Variants in CPNE4 observed in about 807,000 individuals in gnomAD.
CPNE4 encodes copine-4.
A neutral mutation model predicts 67.9 loss-of-function variants in CPNE4; 25 were observed. The observed-to-expected ratio is 0.37, with a 90% CI of 0.27 to 0.51. CPNE4 has a LOEUF of 0.51. Among genes scored for constraint, CPNE4 ranks in the 20% least tolerant of loss-of-function variants. CPNE4 has a pLI of 0.93. For missense variants in CPNE4, 464 were observed against 690.8 expected, an observed-to-expected ratio of 0.67 and a Z score of 3.68; for synonymous variants, 242 against 244.9, an observed-to-expected ratio of 0.99 and a Z score of 0.11.
intron 1 of CPNE4, among the ~76,000 whole-genome samples, chr3:131,940,836 A>C (rs1179499638): frequency 2.0e-5 from 3 of 152,056 alleles, no homozygotes; most frequent in Non-Finnish European, 4.4e-5. Context: ...CTATATATTC[A>C]AGCTGACCCT....
At chr3:131,923,442 C>T (rs191882935) in intron 1 of CPNE4, among the ~76,000 whole-genome samples, 25 of 152,224 alleles carry the variant, frequency 1.6e-4, no homozygotes, top group Admixed American at 1.3e-4. Flanking sequence ...CAGTGGCTCA[C>T]GCCTGTATTT....
Position 131,909,585 on chromosome 3 carries a change from T to C in CPNE4, c.-1-4141A>G, listed in dbSNP as rs536999849. 1.6e-3 allele frequency among the ~76,000 whole-genome samples: 248 copies of C among 152,240 alleles called. 1 individual carries two copies. The highest frequency in any genetic ancestry group is 5.7e-3 in the African/African-American group (238 of 41,552). On this transcript the variant is annotated intron_variant, in intron 1 of 15. Transcript: ENST00000429747. ...AATGGATTACTGCAAAGAAATCTTATTGAATGTAAAAAAAAATAATGTAGG... is the reference window on the plus strand; with the variant it reads ...AATGGATTACTGCAAAGAAATCTTACTGAATGTAAAAAAAAATAATGTAGG...
chr3:131,701,870 T>A (rs966645427), intron 3 of CPNE4, among the ~76,000 whole-genome samples: 1 of 152,250 alleles, frequency 6.6e-6, no homozygotes, highest in Non-Finnish European at 1.5e-5. Context: ...TTTAAGCTTT[T>A]GAAGTACTTT....
intron 6 of CPNE4, among the ~76,000 whole-genome samples, chr3:131,670,920 C>T (rs757525417): frequency 1.3e-5 from 2 of 152,028 alleles, no homozygotes; most frequent in African/African-American, 2.4e-5. Flanking sequence ...TCCCAAGTGG[C>T]TGGGATTACA....
rs545890271 is a variant in CPNE4 at position 131,737,942 on chromosome 3, C to T, written c.181-14317G>A. Among the ~76,000 whole-genome samples, 20 of 152,180 alleles carry T rather than the reference C, an allele frequency of 1.3e-4. 1 individual carries two copies. The East Asian group carries it at 3.3e-3, about 25-fold the overall frequency. Reference sequence around the variant, plus strand: ...CCAATTAGCAATTTTTACTGATTTCCGTGCATTTACTTATTTACTCAAGGA... The same window carrying T: ...CCAATTAGCAATTTTTACTGATTTCTGTGCATTTACTTATTTACTCAAGGA... On this transcript the variant is annotated intron_variant, in intron 2 of 15. Coordinates refer to ENST00000429747, the MANE Select transcript of CPNE4 (RefSeq NM_130808.3).
At chr3:131,742,239 CAAT>C (rs1461384707) in intron 2 of CPNE4, among the ~76,000 whole-genome samples, 1 of 152,158 alleles carries the variant, frequency 6.6e-6, no homozygotes. Context: ...CTGAATACAA[CAAT>C]AAGGCTGGAT....
intron 7 of CPNE4, among the ~76,000 whole-genome samples, chr3:131,631,680 T>C (rs187283657): frequency 1.1e-3 from 169 of 152,162 alleles, no homozygotes; most frequent in Middle Eastern, 6.8e-3. Context: ...AATGAGAGAA[T>C]TGCCTCTTAT....
intron 1 of CPNE4, among the ~76,000 whole-genome samples, chr3:132,002,612 G>A (rs1284306069): frequency 6.6e-6 from 1 of 152,096 alleles, no homozygotes; most frequent in African/African-American, 2.4e-5. Context: ...ATATGACGCA[G>A]GATTTATGTG....
intron 12 of CPNE4, among the ~76,000 whole-genome samples, chr3:131,555,005 C>T (rs958098585): frequency 2.0e-5 from 3 of 152,056 alleles, no homozygotes; most frequent in Non-Finnish European, 4.4e-5. Context: ...TTCAGAAGAA[C>T]ATTTCAGCTT....
intron 1 of CPNE4, among the ~76,000 whole-genome samples, chr3:131,907,330 G>C (rs895501494): frequency 6.6e-6 from 1 of 152,054 alleles, no homozygotes; most frequent in African/African-American, 2.4e-5. Context: ...GCTCTGCAGT[G>C]GAATTTCTTC....
At chr3:132,023,399 G>T (rs1425322880) in intron 1 of CPNE4, among the ~76,000 whole-genome samples, 1 of 151,080 alleles carries the variant, frequency 6.6e-6, no homozygotes, top group Non-Finnish European at 1.5e-5. Context: ...AGTTTGGTCC[G>T]TGATTGATAC....
At chr3:131,973,483 A>G (rs1190296003) in intron 1 of CPNE4, among the ~76,000 whole-genome samples, 1 of 152,242 alleles carries the variant, frequency 6.6e-6, no homozygotes, top group Non-Finnish European at 1.5e-5. Context: ...CCTTACATAT[A>G]TTGATTAACT....
intron 3 of CPNE4, among the ~76,000 whole-genome samples, chr3:131,712,991 C>T (rs1162592757): frequency 1.3e-5 from 2 of 152,156 alleles, no homozygotes; most frequent in African/African-American, 2.4e-5. Flanking sequence ...CTTATGCCAC[C>T]TGCCAACCCA....
Position 131,984,202 on chromosome 3 carries a change from A to C in CPNE4, c.-2+50365T>G, listed in dbSNP as rs2072983995. Among the ~76,000 whole-genome samples, 3 of 152,148 alleles carry C rather than the reference A, an allele frequency of 2.0e-5. No homozygotes were observed. The South Asian group carries it at 6.2e-4, about 32-fold the overall frequency. ...CCACACAAATGGTAAGTGACTGAGT[A>C]AAGACTCCACAAAGATCTCCTAACT... On this transcript the variant is annotated intron_variant, in intron 1 of 15. Transcript: ENST00000429747.
At chr3:131,927,058 T>C (rs1016326667) in intron 1 of CPNE4, among the ~76,000 whole-genome samples, 1 of 152,194 alleles carries the variant, frequency 6.6e-6, no homozygotes, top group African/African-American at 2.4e-5. Flanking sequence ...TGCCATTTAC[T>C]GACCACCTAT....
chr3:132,025,147 T>G (rs2074090880), intron 1 of CPNE4, among the ~76,000 whole-genome samples: 1 of 152,164 alleles, frequency 6.6e-6, no homozygotes, highest in Non-Finnish European at 1.5e-5. Context: ...GAAGATAATA[T>G]TTTATGCCAG....
At position 131,675,168 on chromosome 3, in the gene CPNE4, A is replaced by G. The variant is rs369648399; in HGVS notation, c.592-5404T>C. On this transcript the variant is annotated intron_variant, in intron 6 of 15. Coordinates refer to ENST00000429747, the MANE Select transcript of CPNE4 (RefSeq NM_130808.3). ...TCTAGTTTTATGCCATTGTCATCAG[A>G]TATGATACTTGATATTATTTCAGTT... Among the ~76,000 whole-genome samples the G allele has an allele frequency of 6.6e-5, 10 of 152,264 alleles. No individual in the cohort carries two copies. The South Asian group carries it at 1.0e-3, about 16-fold the overall frequency.
chr3:131,767,375 T>G (rs1411783547), intron 2 of CPNE4, among the ~76,000 whole-genome samples: 1 of 152,004 alleles, frequency 6.6e-6, no homozygotes, highest in African/African-American at 2.4e-5. Flanking sequence ...TATTTAGAGG[T>G]GGCCCTTTAC....
At chr3:131,917,135 T>C (rs2089209011) in intron 1 of CPNE4, among the ~76,000 whole-genome samples, 1 of 152,182 alleles carries the variant, frequency 6.6e-6, no homozygotes, top group East Asian at 1.9e-4. Context: ...AAGTGGCAAC[T>C]CATGAGGAAA....
Sources: gnomAD v4.1 joint callset for allele counts (sites outside exome capture counted in the v4.1 genomes callset) on GRCh38, gnomAD v4.1.1 for gene constraint, MANE v1.5 for transcripts, NCBI Gene and HGNC (gene_info 2026-07-23, HGNC 2026-07-21) for gene names.